The following COL19A1 variants were observed in gnomAD, a reference collection of about 807,000 sequenced individuals.
COL19A1 encodes the protein collagen alpha-1(XIX) chain.
A neutral mutation model predicts 190.2 loss-of-function variants in COL19A1; 159 were observed. The observed-to-expected ratio is 0.84, with a 90% CI of 0.73 to 0.95. COL19A1 has a LOEUF of 0.95. Among genes scored for constraint, COL19A1 ranks in the 40% least tolerant of loss-of-function variants. The pLI is 0.00. For missense variants in COL19A1, 1,418 were observed against 1,431.9 expected (o/e 0.99, Z 0.16); for synonymous variants, 509 against 458.9 (o/e 1.11, Z -1.39).
At chr6:70,074,350 T>C (rs768642045) in intron 15 of COL19A1, among the ~76,000 whole-genome samples, 9 of 151,768 alleles carry the variant, frequency 5.9e-5, no homozygotes, top group Non-Finnish European at 1.0e-4. Context: ...AATACAAAAA[T>C]TAGCTGGGCA....
At chr6:69,955,328 GT>G (rs568905116) in intron 9 of COL19A1, among the ~76,000 whole-genome samples, 7 of 151,906 alleles carry the variant, frequency 4.6e-5, no homozygotes, top group South Asian at 2.1e-4. Context: ...TTTTCTTTTT[GT>G]TTTTTTATTT....
At chr6:70,148,790 G>A (rs1178623243) in intron 27 of COL19A1, among the ~76,000 whole-genome samples, 1 of 152,090 alleles carries the variant, frequency 6.6e-6, no homozygotes. Flanking sequence ...AGCCAAACGT[G>A]GTGGTGGGTG....
At chr6:69,940,753 G>A (rs1773417898) in intron 9 of COL19A1, among the ~76,000 whole-genome samples, 1 of 152,064 alleles carries the variant, frequency 6.6e-6, no homozygotes, top group African/African-American at 2.4e-5. Flanking sequence ...ACCCACATTT[G>A]CTTAAACCAA....
At chr6:70,084,091 A>G (rs1317270374) in intron 15 of COL19A1, among the ~76,000 whole-genome samples, 2 of 152,164 alleles carry the variant, frequency 1.3e-5, no homozygotes, top group Non-Finnish European at 2.9e-5. Flanking sequence ...ATTTAAACAG[A>G]TAATCTATTA....
rs1487770294 is a variant in COL19A1 at position 70,211,175 on chromosome 6, TA to T, written c.*3902del. 1.3e-5 allele frequency among the ~76,000 whole-genome samples: 2 copies of T among 152,180 alleles called. No individual in the cohort carries two copies. The highest frequency in any genetic ancestry group is 4.8e-5 in the African/African-American group (2 of 41,466). ...TACAGTTATATTTGTATAACGTTTA[TA>T]TTTTTCTAGAATACATCACTATTTA... On this transcript the variant is annotated 3_prime_UTR_variant, in exon 51 of 51. Coordinates refer to ENST00000620364, the MANE Select transcript of COL19A1 (RefSeq NM_001858.6).
chr6:70,086,496 T>C (rs71559571), intron 15 of COL19A1, among the ~76,000 whole-genome samples: 341 of 152,288 alleles, frequency 2.2e-3, no homozygotes, highest in Non-Finnish European at 3.0e-3. Context: ...GATTAAAAAA[T>C]TCTTGAAGAA....
At chr6:69,895,502 A>T (rs1769663892) in intron 2 of COL19A1, among the ~76,000 whole-genome samples, 1 of 152,140 alleles carries the variant, frequency 6.6e-6, no homozygotes, top group African/African-American at 2.4e-5. Context: ...ACAGGGTTTT[A>T]TTGGGTGAAA....
At chr6:70,202,426 T>A (rs891997300) in intron 49 of COL19A1, among the ~76,000 whole-genome samples, 2 of 152,340 alleles carry the variant, frequency 1.3e-5, no homozygotes, top group South Asian at 4.1e-4. Context: ...GTTGCTTATA[T>A]TGGCAAAAAA....
chr6:70,101,341 A>G (rs970589254), intron 15 of COL19A1, among the ~76,000 whole-genome samples: 2 of 152,144 alleles, frequency 1.3e-5, no homozygotes, highest in Non-Finnish European at 2.9e-5. Context: ...AAAATAAAAA[A>G]TGTTTAAGAA....
At chr6:70,021,830 C>G (rs939297150) in intron 11 of COL19A1, among the ~76,000 whole-genome samples, 1 of 152,164 alleles carries the variant, frequency 6.6e-6, no homozygotes, top group African/African-American at 2.4e-5. Context: ...CCACATGTGG[C>G]TAGTGGCTGC....
intron 15 of COL19A1, among the ~76,000 whole-genome samples, chr6:70,087,923 C>T (rs1177677159): frequency 1.3e-5 from 2 of 152,156 alleles, no homozygotes; most frequent in Non-Finnish European, 2.9e-5. Flanking sequence ...AGGTTGGCCT[C>T]AATAACATTA....
At chr6:70,053,027 C>T (rs1414692230) in intron 14 of COL19A1, among the ~76,000 whole-genome samples, 1 of 152,150 alleles carries the variant, frequency 6.6e-6, no homozygotes, top group Admixed American at 6.5e-5. Context: ...TCTCTATCCC[C>T]TTCTTAATTT....
chr6:69,879,425 G>C (rs1768353577), intron 1 of COL19A1, 111 bp from the exon 2 acceptor site: 1 of 627,292 alleles, frequency 1.6e-6, no homozygotes, highest in African/African-American at 1.8e-5. Context: ...CCTGTTATAT[G>C]ATGATATATG....
chr6:69,928,115 G>A (rs567553905), intron 5 of COL19A1, 83 bp downstream of exon 5: 1 of 1,547,342 alleles, frequency 6.5e-7, no homozygotes. Flanking sequence ...GCACAAATTT[G>A]CGAGTAGATC....
chr6:69,905,982 G>A (rs1433715747), intron 4 of COL19A1, among the ~76,000 whole-genome samples: 1 of 152,058 alleles, frequency 6.6e-6, no homozygotes, highest in Non-Finnish European at 1.5e-5. Context: ...TTCATTATTT[G>A]TATACATATT....
At chr6:69,878,680 G>GTATTT (rs1378732036) in intron 1 of COL19A1, among the ~76,000 whole-genome samples, 1 of 152,064 alleles carries the variant, frequency 6.6e-6, no homozygotes, top group Non-Finnish European at 1.5e-5. Context: ...GTATTGTATT[G>GTATTT]TTAGCAATTT....
At chr6:70,089,785 C>T (rs1302676810) in intron 15 of COL19A1, among the ~76,000 whole-genome samples, 1 of 152,040 alleles carries the variant, frequency 6.6e-6, no homozygotes, top group Admixed American at 6.6e-5. Context: ...TTTTATAAGT[C>T]TTGTAGGACT....
chr6:70,132,203 G>T (rs1785568206), intron 18 of COL19A1, among the ~76,000 whole-genome samples: 1 of 152,048 alleles, frequency 6.6e-6, no homozygotes, highest in African/African-American at 2.4e-5. Flanking sequence ...ATTTAGACCG[G>T]CCTGGACAAT....
intron 18 of COL19A1, among the ~76,000 whole-genome samples, chr6:70,131,525 A>G (rs1284797175): frequency 1.3e-5 from 2 of 152,254 alleles, no homozygotes; most frequent in Non-Finnish European, 1.5e-5. Context: ...TTATACAGCA[A>G]TGATAAGTCA....
Sources: allele counts gnomAD v4.1 joint callset (sites outside exome capture counted in the v4.1 genomes callset), GRCh38; gene constraint gnomAD v4.1.1; transcripts MANE v1.5; gene names NCBI Gene and HGNC (gene_info 2026-07-23, HGNC 2026-07-21).